The following SIPA1L1 variants were observed in gnomAD, a reference collection of about 807,000 sequenced individuals.
SIPA1L1 encodes the protein signal induced proliferation associated 1 like 1.
SIPA1L1 carries 26 observed loss-of-function variants against 162.7 expected under a neutral mutation model. That is an observed-to-expected ratio of 0.16 (90% CI 0.12 to 0.22). The LOEUF (loss-of-function observed/expected upper bound fraction) is 0.22, where lower values mean the gene tolerates loss of function less well. Among genes scored for constraint, SIPA1L1 ranks in the 10% least tolerant of loss-of-function variants. The pLI is 1.00. For synonymous variants in SIPA1L1, 829 were observed against 837.4 expected (o/e 0.99, Z 0.17); for missense variants, 1,874 against 2,241.0 (o/e 0.84, Z 3.31).
At chr14:71,681,943 G>A (rs1028715064) in intron 12 of SIPA1L1, among the ~76,000 whole-genome samples, 9 of 152,224 alleles carry the variant, frequency 5.9e-5, no homozygotes, top group African/African-American at 2.2e-4. Context: ...CATTGACATT[G>A]TAATTCCTGC....
At chr14:71,629,375 A>C (rs1171950376) in intron 7 of SIPA1L1, among the ~76,000 whole-genome samples, 1 of 152,218 alleles carries the variant, frequency 6.6e-6, no homozygotes, top group Non-Finnish European at 1.5e-5. Flanking sequence ...TGAGACACAA[A>C]GACCAGTCAC....
rs139640018 is a variant in SIPA1L1 at position 71,431,836 on chromosome 14, G to A, written c.-464-80907G>A. Among the ~76,000 whole-genome samples the A allele has an allele frequency of 3.2e-3, 490 of 152,270 alleles. 1 individual carries two copies. The highest frequency in any genetic ancestry group is 0.011 in the African/African-American group (473 of 41,536). ...TTGATAGAAAATCAACTCAGAAAAG[G>A]CAGATTAATTGGAGAAAAGGCATGC... On this transcript the variant is annotated intron_variant, in intron 2 of 23. Transcript: ENST00000381232.
intron 2 of SIPA1L1, among the ~76,000 whole-genome samples, chr14:71,448,182 C>T (rs1424952361): frequency 6.6e-6 from 1 of 152,180 alleles, no homozygotes; most frequent in Non-Finnish European, 1.5e-5. Context: ...TCTCTTAGTT[C>T]TCTTTCCTTT....
chr14:71,326,863 C>T (rs1165133313), intron 2 of SIPA1L1, among the ~76,000 whole-genome samples: 1 of 151,008 alleles, frequency 6.6e-6, no homozygotes, highest in Non-Finnish European at 1.5e-5. Context: ...AGGCGTGTGC[C>T]ACCACACCCA....
At chr14:71,504,147 T>A (rs1188304193) in intron 2 of SIPA1L1, among the ~76,000 whole-genome samples, 1 of 152,124 alleles carries the variant, frequency 6.6e-6, no homozygotes, top group Non-Finnish European at 1.5e-5. Context: ...TTGTCTCTGA[T>A]CTTGTTCAAT....
chr14:71,503,825 CAG>C (rs2050439265), intron 2 of SIPA1L1: 1 of 151,774 alleles, frequency 6.6e-6, no homozygotes. Flanking sequence ...TTTTTTGAGA[CAG>C]AGTCTCGGTC....
Position 71,411,301 on chromosome 14 carries a change from G to C in SIPA1L1, c.-465+90120G>C, listed in dbSNP as rs550515011. ...TTATTTAAAGACTTACTTAAATCTA[G>C]AAAAAGGGGGTAGAGGTTAAATTTC... On this transcript the variant is annotated intron_variant, in intron 2 of 23. Coordinates refer to ENST00000381232, the MANE Select transcript of SIPA1L1 (RefSeq NM_001386936.1). Among the ~76,000 whole-genome samples, 89 of 152,178 alleles carry C rather than the reference G, an allele frequency of 5.8e-4. 1 individual carries two copies. Among genetic ancestry groups the C allele is most frequent in the African/African-American group, 1.9e-3 (79 of 41,530 alleles).
intron 2 of SIPA1L1, among the ~76,000 whole-genome samples, chr14:71,430,058 TA>T (rs1041487309): frequency 6.6e-6 from 1 of 152,200 alleles, no homozygotes; most frequent in Non-Finnish European, 1.5e-5. Flanking sequence ...AGTTAACTGC[TA>T]ATCTGTGTTC....
chr14:71,641,448 C>T (rs927961846), intron 7 of SIPA1L1, among the ~76,000 whole-genome samples: 2 of 152,104 alleles, frequency 1.3e-5, no homozygotes, highest in Non-Finnish European at 2.9e-5. Context: ...AGAGGCCGGG[C>T]GTGGTGGCTC....
chr14:71,469,131 A>G (rs1435152677), intron 2 of SIPA1L1, among the ~76,000 whole-genome samples: 1 of 151,544 alleles, frequency 6.6e-6, no homozygotes, highest in Non-Finnish European at 1.5e-5. Context: ...CGCAGAGTCC[A>G]CTGGAGTCTC....
intron 15 of SIPA1L1, among the ~76,000 whole-genome samples, chr14:71,703,056 G>A (rs996383146): frequency 1.1e-4 from 16 of 152,124 alleles, no homozygotes; most frequent in African/African-American, 3.6e-4. Flanking sequence ...GCTTGTGCCC[G>A]GATTTCTACT....
chr14:71,694,341 C>A (rs559695431), intron 13 of SIPA1L1, among the ~76,000 whole-genome samples: 1 of 152,200 alleles, frequency 6.6e-6, no homozygotes, highest in South Asian at 2.1e-4. Context: ...AAATGTCCAA[C>A]CCCTTCAACT....
intron 2 of SIPA1L1, among the ~76,000 whole-genome samples, chr14:71,418,807 T>G (rs142289762): frequency 6.6e-6 from 1 of 152,318 alleles, no homozygotes; most frequent in African/African-American, 2.4e-5. Flanking sequence ...TAAGGCCATA[T>G]GGTGGGTAAA....
At chr14:71,713,586 T>C (rs1437523433) in intron 17 of SIPA1L1, among the ~76,000 whole-genome samples, 1 of 152,224 alleles carries the variant, frequency 6.6e-6, no homozygotes, top group African/African-American at 2.4e-5. Flanking sequence ...TCAACACAGC[T>C]CAATTTCATG....
chr14:71,468,993 T>C (rs375764292), intron 2 of SIPA1L1, among the ~76,000 whole-genome samples: 4 of 151,710 alleles, frequency 2.6e-5, no homozygotes, highest in South Asian at 4.1e-4. Flanking sequence ...GAAAAGCAAG[T>C]ACTCCAGCCC....
intron 15 of SIPA1L1, among the ~76,000 whole-genome samples, chr14:71,703,397 G>A (rs543738533): frequency 1.3e-4 from 20 of 152,308 alleles, no homozygotes; most frequent in Non-Finnish European, 1.9e-4. Context: ...CCAAGTAAGT[G>A]TACTAACCAT....
intron 2 of SIPA1L1, among the ~76,000 whole-genome samples, chr14:71,444,120 C>T (rs369143601): frequency 6.6e-6 from 1 of 152,142 alleles, no homozygotes; most frequent in East Asian, 1.9e-4. Flanking sequence ...TAGATGTCAG[C>T]GGTGTTAGGA....
At chr14:71,432,984 A>G (rs972655746) in intron 2 of SIPA1L1, among the ~76,000 whole-genome samples, 9 of 152,216 alleles carry the variant, frequency 5.9e-5, no homozygotes, top group Admixed American at 5.9e-4. Context: ...TGAAAGGATT[A>G]TAAGATCTTT....
rs765799285 is a variant in SIPA1L1, at chr14:71,671,341, C to T, written c.2478C>T (p.Ile826=). 19 of 1,614,214 alleles carry T rather than the reference C, an allele frequency of 1.2e-5. No individual in the cohort carries two copies. In the South Asian group the frequency reaches 1.2e-4, roughly 10 times the overall value. ...AAAAGAATGTCACCAACACCCCTAT[C>T]GACCCTTCTGGCAAGTTTCCGTTCA... ...LAEKNVTNTP[I]DPSGKFPFIS... Residue 826 remains isoleucine (I), a synonymous_variant, in exon 11 of 24, where the codon ATC becomes ATT. Coordinates refer to ENST00000381232, the MANE Select transcript of SIPA1L1 (RefSeq NM_001386936.1).
Sources: gnomAD v4.1 joint callset for allele counts (sites outside exome capture counted in the v4.1 genomes callset) on GRCh38, gnomAD v4.1.1 for gene constraint, MANE v1.5 for transcripts, NCBI Gene and HGNC (gene_info 2026-07-23, HGNC 2026-07-21) for gene names.